The following RAET1E variants were observed in gnomAD, a reference collection of about 807,000 sequenced individuals.
RAET1E encodes NKG2D ligand 4.
A neutral mutation model predicts 21.1 loss-of-function variants in RAET1E; 27 were observed. The ratio of observed to expected loss-of-function variants is 1.28; its 90% confidence interval spans 0.94 to 1.76. The LOEUF is 1.76. RAET1E is among the 40% of genes most tolerant of loss of function. The pLI is 0.00. For synonymous variants in RAET1E, 113 were observed against 115.0 expected (o/e 0.98, Z 0.11); for missense variants, 310 against 311.3 (o/e 1.00, Z 0.03).
chr6:149,897,533 G>C (rs1306835257), intron 1 of RAET1E, among the ~76,000 whole-genome samples: 1 of 152,096 alleles, frequency 6.6e-6, no homozygotes, highest in Non-Finnish European at 1.5e-5. Context: ...GTGTGCCCTG[G>C]GCTTCTAACC....
In RAET1E at chr6:149,887,119, G is replaced by T. The variant is rs774596112; in HGVS notation, c.*1379C>A. Among the ~76,000 whole-genome samples, 17 of 152,192 alleles carry T rather than the reference G, an allele frequency of 1.1e-4. No individual in the cohort carries two copies. Among genetic ancestry groups the T allele is most frequent in the Non-Finnish European group, 1.8e-4 (12 of 68,038 alleles). On this transcript the variant is annotated 3_prime_UTR_variant, in exon 6 of 6. Transcript: ENST00000357183. ...CCAGACAGGAAGCCCTTCAGCAGCCGACTCGGTTACCAGGATGAGGCTAGA... is the reference window on the plus strand; with the variant it reads ...CCAGACAGGAAGCCCTTCAGCAGCCTACTCGGTTACCAGGATGAGGCTAGA...
chr6:149,888,644 T>C lies in RAET1E; in HGVS notation c.646A>G (p.Ile216Val), dbSNP rs534332197. The change falls in exon 6 of 6, where the codon ATC becomes GTC. Residue 216 changes from isoleucine to valine, a missense_variant. Transcript: ENST00000357183. ...PTVSPVNASD[I>V]HWSSSSLPDR... ...GGTAGACTAGAAGAAGACCAGTGGA[T>C]ATCTGAAGCATTTACTGGTGACACT... The C allele has an allele frequency of 1.3e-6, 2 of 1,591,458 alleles. No homozygotes were observed. Among genetic ancestry groups the C allele is most frequent in the African/African-American group, 2.9e-5 (2 of 68,262 alleles).
rs745745381 is a variant in RAET1E at position 149,889,508 on chromosome 6, G to A, written c.462C>T (p.Asn154=). ...CATGATTAATTACTGTCCAGGTCAT[G>A]TTCATTGCGTCAAAGAGGAGGGATT... ...GEKSLLFDAM[N]MTWTVINHEA... The change falls in exon 5 of 6, where the codon AAC becomes AAT. Residue 154 remains asparagine (N), a synonymous_variant. Transcript: ENST00000357183. 3.4e-5 allele frequency: 55 copies of A among 1,614,078 alleles called. No homozygotes were observed. Among genetic ancestry groups the A allele is most frequent in the Non-Finnish European group, 4.6e-5 (54 of 1,180,048 alleles).
In RAET1E at chr6:149,888,312, C is replaced by T; in HGVS notation, c.*186G>A. On this transcript the variant is annotated 3_prime_UTR_variant, in exon 6 of 6. Coordinates refer to ENST00000357183, the MANE Select transcript of RAET1E (RefSeq NM_001394057.1). The stretch of plus-strand genomic sequence containing the variant: ...CAGGCAGGCGTTCCAGATCTTTGAC[C>T]TTGCCCCTCCTCGAGAGGAGATGAT... 1.3e-6 allele frequency: 1 copy of T among 773,040 alleles called. No homozygotes were observed. Among genetic ancestry groups the T allele is most frequent in the Non-Finnish European group, 2.2e-6 (1 of 460,720 alleles). The allele number at this position is 773,040 out of a possible 1,614,324, so 47.9% of individuals were successfully genotyped here.
At position 149,888,681 on chromosome 6, in the gene RAET1E, A is replaced by AAAG. The variant is rs1554263133; in HGVS notation, c.623-15_623-14insCTT. ...TTACTGGTGACACTAAAAAAAAAAA[A>AAAG]AAAAAGAAAAAAAAGCACAAGCCCT... On this transcript the variant is annotated splice_polypyrimidine_tract_variant and intron_variant, in intron 5 of 5. Coordinates refer to ENST00000357183, the MANE Select transcript of RAET1E (RefSeq NM_001394057.1). 1.3e-6 allele frequency: 2 copies of AAAG among 1,556,032 alleles called. No homozygotes were observed. Among genetic ancestry groups the AAAG allele is most frequent in the African/African-American group, 2.8e-5 (2 of 70,198 alleles).
chr6:149,891,929 C>G (rs941028085), intron 2 of RAET1E, among the ~76,000 whole-genome samples: 2 of 152,092 alleles, frequency 1.3e-5, no homozygotes, highest in Non-Finnish European at 2.9e-5. Context: ...CTCCCTGTGT[C>G]CATGTGTTCT....
rs1426221173 is a variant in RAET1E at position 149,884,506 on chromosome 6, T to A, written c.*3992A>T. On this transcript the variant is annotated 3_prime_UTR_variant, in exon 6 of 6. Coordinates refer to ENST00000357183, the MANE Select transcript of RAET1E (RefSeq NM_001394057.1). ...ATCACCTCTAGGTGGATCTTCTGCCTTTAGGAAGGAGACAAAAGAGTGCAG... is the reference window on the plus strand; with the variant it reads ...ATCACCTCTAGGTGGATCTTCTGCCATTAGGAAGGAGACAAAAGAGTGCAG... The A allele has an allele frequency of 6.5e-7, 1 of 1,535,886 alleles. No homozygotes were observed. Among genetic ancestry groups the A allele is most frequent in the Admixed American group, 2.0e-5 (1 of 50,988 alleles).
At chr6:149,888,692 A>AAAAG (rs1554263156) in intron 5 of RAET1E, 25 bp from the exon 6 acceptor site, 33 of 1,468,944 alleles carry the variant, frequency 2.2e-5, no homozygotes, top group East Asian at 1.3e-4. Context: ...AAAAAGAAAA[A>AAAAG]AAAGCACAAG....
Position 149,888,665 on chromosome 6 carries a change from AC to A in RAET1E, c.624del (p.Ser209HisfsTer3). The stretch of plus-strand genomic sequence containing the variant: ...TGGATATCTGAAGCATTTACTGGTG[AC>A]ACTAAAAAAAAAAAAAAAAAGAAAA... ...GHWEAMPEPT[V>X]SPVNASDIHW... is the part of the protein sequence containing the mutation. On this transcript the variant is annotated frameshift_variant and splice_region_variant, in exon 6 of 6. Coordinates refer to ENST00000357183, the MANE Select transcript of RAET1E (RefSeq NM_001394057.1). LOFTEE classifies it low-confidence loss of function (END_TRUNC). The A allele has an allele frequency of 6.7e-7, 1 of 1,488,996 alleles. No individual in the cohort carries two copies. The highest frequency in any genetic ancestry group is 2.7e-5 in the East Asian group (1 of 37,440). The allele number at this position is 1,488,996 out of a possible 1,614,324, so 92.2% of individuals were successfully genotyped here. A position where few individuals can be genotyped will look rare whatever the true frequency, so the allele number is the denominator to read the frequency against.
At position 149,889,439 on chromosome 6, in the gene RAET1E, C is replaced by T; in HGVS notation, c.531G>A (p.Leu177=). The change falls in exon 5 of 6, where the codon CTG becomes CTA. Residue 177 remains leucine (L), a synonymous_variant. Transcript: ENST00000357183. The stretch of plus-strand genomic sequence containing the variant: ...TTGAGAGCTTCCTGAAATACTTTTC[C>T]AGCCCTCTGTCTTTCTTCCATGTCT... ...IKETWKKDRG[L]EKYFRKLSKG... 1 of 1,614,178 alleles carries T rather than the reference C, an allele frequency of 6.2e-7. No homozygotes were observed. The highest frequency in any genetic ancestry group is 2.2e-5 in the East Asian group (1 of 44,878).
rs904642160 is a variant in RAET1E, at chr6:149,886,682, A to C, written c.*1816T>G. 6.6e-6 allele frequency among the ~76,000 whole-genome samples: 1 copy of C among 152,238 alleles called. No homozygotes were observed. Among genetic ancestry groups the C allele is most frequent in the Non-Finnish European group, 1.5e-5 (1 of 68,036 alleles). The stretch of plus-strand genomic sequence containing the variant: ...AGTGCTGGGATTACAGGAGTGAGCT[A>C]TCACGCCCAGATGAGATTTATTTTA... On this transcript the variant is annotated 3_prime_UTR_variant, in exon 6 of 6. Transcript: ENST00000357183.
At chr6:149,892,979 TTG>T (rs1777971791) in intron 2 of RAET1E, among the ~76,000 whole-genome samples, 1 of 152,214 alleles carries the variant, frequency 6.6e-6, no homozygotes, top group Non-Finnish European at 1.5e-5. Flanking sequence ...TCCCCATTGC[TTG>T]TGTGTGTCAG....
chr6:149,888,769 C>CATGGTG, intron 5 of RAET1E, 102 bp from the exon 6 acceptor site: 1 of 1,447,762 alleles, frequency 6.9e-7, no homozygotes, highest in Non-Finnish European at 9.1e-7. Flanking sequence ...CCCAGGAACA[C>CATGGTG]ATGGTGCCCC....
chr6:149,888,546 C>G lies in RAET1E; in HGVS notation c.744G>C (p.Trp248Cys), dbSNP rs769423193. 6.2e-7 allele frequency: 1 copy of G among 1,613,804 alleles called. No homozygotes were observed. Among genetic ancestry groups the G allele is most frequent in the Non-Finnish European group, 8.5e-7 (1 of 1,179,968 alleles). The change falls in exon 6 of 6, where the codon TGG becomes TGC. Residue 248 changes from tryptophan (W) to cysteine (C), a missense_variant. Transcript: ENST00000357183. ...GACCAGCCTGCCACTCACCATTTTGCCACCAGACACAGATGAGAACAATTC... is the reference window on the plus strand; with the variant it reads ...GACCAGCCTGCCACTCACCATTTTGGCACCAGACACAGATGAGAACAATTC... ...LMGIVLICVW[W>C]QNGEWQAGLW...
chr6:149,897,311 A>G (rs1217435842), intron 1 of RAET1E, among the ~76,000 whole-genome samples: 1 of 152,214 alleles, frequency 6.6e-6, no homozygotes, highest in Non-Finnish European at 1.5e-5. Context: ...TTGGGATTAC[A>G]GGAGTGAGCC....
Position 149,886,596 on chromosome 6 carries a change from T to C in RAET1E, c.*1902A>G, listed in dbSNP as rs1031333543. Among the ~76,000 whole-genome samples, 12 of 152,216 alleles carry C rather than the reference T, an allele frequency of 7.9e-5. No homozygotes were observed. Among genetic ancestry groups the C allele is most frequent in the African/African-American group, 2.9e-4 (12 of 41,462 alleles). ...TTTTAGTAGAGACAGGGTTTCGCCA[T>C]GTTGGCCAGGCTGGTCTCGAACTCC... is the stretch of plus-strand genomic sequence containing the variant. On this transcript the variant is annotated 3_prime_UTR_variant, in exon 6 of 6. Coordinates refer to ENST00000357183, the MANE Select transcript of RAET1E (RefSeq NM_001394057.1).
chr6:149,890,242 T>C, intron 3 of RAET1E, 97 bp from the exon 4 acceptor site: 1 of 1,382,290 alleles, frequency 7.2e-7, no homozygotes, highest in Non-Finnish European at 1.0e-6. Flanking sequence ...TGGGCCAGGC[T>C]AGCAGAGGCG....
In RAET1E at chr6:149,886,115, G is replaced by A. The variant is rs184051112; in HGVS notation, c.*2383C>T. On this transcript the variant is annotated 3_prime_UTR_variant, in exon 6 of 6. Coordinates refer to ENST00000357183, the MANE Select transcript of RAET1E (RefSeq NM_001394057.1). Reference sequence around the variant, plus strand: ...GGCAGCAATGATGCACGGTGATTCAGAGATCAAAAAGTTCAGTGTGGATGC... The same window carrying A: ...GGCAGCAATGATGCACGGTGATTCAAAGATCAAAAAGTTCAGTGTGGATGC... Among the ~76,000 whole-genome samples, 1 of 152,292 alleles carries A rather than the reference G, an allele frequency of 6.6e-6. No individual in the cohort carries two copies. Among genetic ancestry groups the A allele is most frequent in the Admixed American group, 6.5e-5 (1 of 15,294 alleles).
intron 2 of RAET1E, among the ~76,000 whole-genome samples, chr6:149,891,426 A>G (rs1266333049): frequency 6.6e-6 from 1 of 152,118 alleles, no homozygotes. Flanking sequence ...AGCACACCCC[A>G]GTATTAATTA....
Sources: allele counts gnomAD v4.1 joint callset (sites outside exome capture counted in the v4.1 genomes callset), GRCh38; gene constraint gnomAD v4.1.1; transcripts MANE v1.5; gene names NCBI Gene and HGNC (gene_info 2026-07-23, HGNC 2026-07-21).